DKK3: variants seen among roughly 807,000 people sequenced by gnomAD.
DKK3 encodes the protein dickkopf Wnt signaling pathway inhibitor 3.
DKK3 carries 22 observed loss-of-function variants against 33.2 expected under a neutral mutation model. That is an observed-to-expected ratio of 0.66 (90% CI 0.47 to 0.95). DKK3 has a LOEUF of 0.95. DKK3 is among the 40% of genes least tolerant of loss of function. The pLI, the probability that DKK3 is intolerant of heterozygous loss-of-function variation, is 0.00. For missense variants in DKK3, 398 were observed against 458.4 expected (o/e 0.87, Z 1.20); for synonymous variants, 194 against 188.8 (o/e 1.03, Z -0.23).
rs1029803634 is a variant in DKK3, at chr11:11,964,221, G to A, written c.*243C>T. 7.2e-6 allele frequency: 4 copies of A among 551,750 alleles called. No individual in the cohort carries two copies. The highest frequency in any genetic ancestry group is 3.2e-5 in the Admixed American group (1 of 31,400). 34.2% of individuals were successfully genotyped at this position (551,750 alleles called of 1,614,324 possible). ...GGCAAAGCAGCCAATAATCTGGACA[G>A]GGGTGGCAAACTGCTCCTGCAGTTT... On this transcript the variant is annotated 3_prime_UTR_variant, in exon 7 of 7. Coordinates refer to ENST00000683431, the MANE Select transcript of DKK3 (RefSeq NM_001018057.2).
chr11:11,996,737 A>G (rs1848302860), intron 3 of DKK3, among the ~76,000 whole-genome samples: 1 of 152,180 alleles, frequency 6.6e-6, no homozygotes, highest in African/African-American at 2.4e-5. Flanking sequence ...ACTTAGATCT[A>G]CCGCTCCCCT....
At chr11:11,967,121 T>A in intron 4 of DKK3, 23 bp from the exon 5 acceptor site, 1 of 1,610,190 alleles carries the variant, frequency 6.2e-7, no homozygotes, top group Non-Finnish European at 8.5e-7. Context: ...GGAAAGAGCC[T>A]AGAGCCAGCG....
At chr11:11,981,691 C>T (rs143960904) in intron 3 of DKK3, among the ~76,000 whole-genome samples, 11 of 152,252 alleles carry the variant, frequency 7.2e-5, no homozygotes, top group East Asian at 5.8e-4. Flanking sequence ...AGCAATCACA[C>T]ACAGCCGTCT....
intron 3 of DKK3, chr11:11,979,603 G>A (rs983488804): frequency 6.6e-6 from 1 of 152,414 alleles, no homozygotes; most frequent in African/African-American, 2.4e-5. Context: ...GACTCTGGTG[G>A]TTTGGGGCTC....
chr11:12,002,572 T>G, intron 1 of DKK3, 135 bp from the exon 2 acceptor site: 3 of 902,274 alleles, frequency 3.3e-6, no homozygotes, highest in Non-Finnish European at 5.0e-6. Context: ...ATTAATTGAG[T>G]ACTCACTATG....
chr11:11,969,907 C>T lies in DKK3; in HGVS notation c.436-1420G>A, dbSNP rs190694471. On this transcript the variant is annotated intron_variant, in intron 3 of 6. Transcript: ENST00000683431. ...AGGCATGATACCATCGCTGTTTTTACGGATAAGAAAACCGAGGCTCCGAGT... is the reference window on the plus strand; with the variant it reads ...AGGCATGATACCATCGCTGTTTTTATGGATAAGAAAACCGAGGCTCCGAGT... 2.0e-4 allele frequency among the ~76,000 whole-genome samples: 30 copies of T among 152,338 alleles called. No individual in the cohort carries two copies. In the East Asian group the frequency reaches 4.6e-3, roughly 23 times the overall value.
chr11:11,997,842 G>A lies in DKK3; in HGVS notation c.435+854C>T, dbSNP rs1028578720. Among the ~76,000 whole-genome samples the A allele has an allele frequency of 2.0e-5, 3 of 152,188 alleles. No homozygotes were observed. The East Asian group carries it at 5.8e-4, about 29-fold the overall frequency. On this transcript the variant is annotated intron_variant, in intron 3 of 6. Coordinates refer to ENST00000683431, the MANE Select transcript of DKK3 (RefSeq NM_001018057.2). ...CTTCCTAACTGTCATCCATACACTG[G>A]TTCCCTTCCAGCCATCAGACCAAAA...
chr11:11,970,252 T>A (rs147832333), intron 3 of DKK3, among the ~76,000 whole-genome samples: 197 of 152,190 alleles, frequency 1.3e-3, no homozygotes, highest in Non-Finnish European at 2.5e-3. Flanking sequence ...CCTCTGCCCT[T>A]AAGAAATTCG....
At position 12,008,422 on chromosome 11, in the gene DKK3, A is replaced by G. The variant is rs1278246230; in HGVS notation, c.161T>C (p.Val54Ala). ...EATLNEMFRE[V>A]EELMEDTQHK... ...CTGCGTGTCCTCCATCAGTTCCTCA[A>G]CCTCGCGGAACATCTCATTGAGGGT... The change falls in exon 1 of 7, where the codon GTT (valine) becomes GCT (alanine). Residue 54 changes from valine to alanine, a missense_variant. Val to Ala is a moderately conservative substitution (Grantham distance 64, BLOSUM62 0). Coordinates refer to ENST00000683431, the MANE Select transcript of DKK3 (RefSeq NM_001018057.2). This position sits in a 1 kb window ranked among gnomAD's most constrained non-coding sequence, Gnocchi z 4.6. The G allele has an allele frequency of 1.2e-6, 2 of 1,609,378 alleles. No individual in the cohort carries two copies. The highest frequency in any genetic ancestry group is 2.2e-5 in the East Asian group (1 of 44,696).
chr11:12,008,862 C>A (rs1482647362), upstream of DKK3: 2 of 1,141,620 alleles, frequency 1.8e-6, no homozygotes, highest in Non-Finnish European at 2.1e-6. The surrounding 1 kb of genome is among the most constrained non-coding windows in gnomAD (Gnocchi z 4.6). Flanking sequence ...CTGAGCTCTG[C>A]TCCTCACCTG....
intron 3 of DKK3, among the ~76,000 whole-genome samples, chr11:11,997,407 A>G (rs1239623625): frequency 1.3e-5 from 2 of 152,144 alleles, no homozygotes; most frequent in Non-Finnish European, 2.9e-5. Flanking sequence ...ATCATATCCT[A>G]TGGCTGGCTG....
intron 3 of DKK3, among the ~76,000 whole-genome samples, chr11:11,970,481 T>G (rs1847700902): frequency 6.6e-6 from 1 of 152,160 alleles, no homozygotes; most frequent in Non-Finnish European, 1.5e-5. Flanking sequence ...GTCTCCATGG[T>G]GGGTGGAATA....
At chr11:12,002,552 G>T in intron 1 of DKK3, 115 bp from the exon 2 acceptor site, 1 of 1,114,190 alleles carries the variant, frequency 9.0e-7, no homozygotes, top group Non-Finnish European at 1.3e-6. Context: ...TGATGATGAT[G>T]ATAGGTGCTA....
At chr11:11,972,585 C>A (rs1176093033) in intron 3 of DKK3, among the ~76,000 whole-genome samples, 1 of 152,210 alleles carries the variant, frequency 6.6e-6, no homozygotes, top group East Asian at 1.9e-4. Flanking sequence ...GCTGGCCTCA[C>A]CTTTCCCAGT....
intron 1 of DKK3, among the ~76,000 whole-genome samples, chr11:12,006,916 C>T (rs539187213): frequency 3.9e-5 from 6 of 152,304 alleles, no homozygotes; most frequent in Admixed American, 3.9e-4. Context: ...GCCCTAGAAC[C>T]AGAGGCATCG....
At chr11:11,980,786 A>G (rs1432481271) in intron 3 of DKK3, among the ~76,000 whole-genome samples, 1 of 152,166 alleles carries the variant, frequency 6.6e-6, no homozygotes, top group African/African-American at 2.4e-5. Context: ...AAGACATGCC[A>G]AGACTCATAC....
At chr11:11,977,312 C>T (rs745700992) in intron 3 of DKK3, among the ~76,000 whole-genome samples, 1 of 152,006 alleles carries the variant, frequency 6.6e-6, no homozygotes, top group Non-Finnish European at 1.5e-5. Context: ...ATACAGACAG[C>T]TCCCACCTCC....
intron 1 of DKK3, among the ~76,000 whole-genome samples, chr11:12,003,103 G>A (rs145219162): frequency 3.9e-5 from 6 of 152,362 alleles, no homozygotes; most frequent in East Asian, 1.9e-4. Context: ...CAGGCATACC[G>A]TTGATTGTCT....
intron 3 of DKK3, among the ~76,000 whole-genome samples, chr11:11,993,512 G>C (rs1201510969): frequency 1.3e-5 from 2 of 152,060 alleles, no homozygotes. Flanking sequence ...TTGAGGTTGA[G>C]GAGAGTACAA....
Sources: gnomAD v4.1 joint callset for allele counts (sites outside exome capture counted in the v4.1 genomes callset) on GRCh38, gnomAD v4.1.1 for gene constraint, Gnocchi (gnomAD v3.1) non-coding constraint, MANE v1.5 for transcripts, NCBI Gene and HGNC (gene_info 2026-07-23, HGNC 2026-07-21) for gene names.